Variants in ADAMTSL3 observed in about 807,000 individuals in gnomAD.
ADAMTSL3 encodes the protein ADAMTS-like protein 3.
In ADAMTSL3, 128 loss-of-function variants were observed where a neutral mutation model predicts 201.7. The observed-to-expected ratio is 0.63, with a 90% CI of 0.55 to 0.73. ADAMTSL3 has a LOEUF of 0.73. Ranked by LOEUF, ADAMTSL3 falls within the 30% of genes least tolerant of loss-of-function variation. ADAMTSL3 has a pLI of 0.00. For synonymous variants in ADAMTSL3, 738 were observed against 748.4 expected (o/e 0.99, Z 0.23); for missense variants, 1,990 against 2,119.6 (o/e 0.94, Z 1.20).
chr15:83,766,464 C>T (rs1469508635), intron 3 of ADAMTSL3, among the ~76,000 whole-genome samples: 1 of 152,150 alleles, frequency 6.6e-6, no homozygotes, highest in Non-Finnish European at 1.5e-5. Flanking sequence ...TGTAGCTCTA[C>T]TTGCAATATA....
intron 5 of ADAMTSL3, among the ~76,000 whole-genome samples, chr15:83,810,277 G>A (rs944989050): frequency 3.9e-5 from 6 of 152,184 alleles, no homozygotes; most frequent in Non-Finnish European, 5.9e-5. Flanking sequence ...ACCTGCTTGT[G>A]AATGCTGAAT....
intron 3 of ADAMTSL3, among the ~76,000 whole-genome samples, chr15:83,759,074 G>A (rs1025722729): frequency 3.9e-5 from 6 of 152,036 alleles, no homozygotes; most frequent in African/African-American, 7.3e-5. Context: ...TTCACTGCTC[G>A]AACATCTCAG....
chr15:83,785,961 A>G (rs1185370776), intron 4 of ADAMTSL3, among the ~76,000 whole-genome samples: 1 of 151,916 alleles, frequency 6.6e-6, no homozygotes, highest in Non-Finnish European at 1.5e-5. Flanking sequence ...CTTCTGCCTC[A>G]GCCTCCCACG....
intron 6 of ADAMTSL3, among the ~76,000 whole-genome samples, chr15:83,824,434 C>T (rs1182434492): frequency 1.3e-5 from 2 of 152,164 alleles, no homozygotes; most frequent in African/African-American, 2.4e-5. Flanking sequence ...CAACATTCCC[C>T]ACTAAAGTGA....
intron 4 of ADAMTSL3, among the ~76,000 whole-genome samples, chr15:83,790,161 G>A (rs1175995054): frequency 6.7e-6 from 1 of 150,148 alleles, no homozygotes; most frequent in Non-Finnish European, 1.5e-5. Context: ...AGCATTTAAA[G>A]GAGAATTTAC....
intron 3 of ADAMTSL3, among the ~76,000 whole-genome samples, chr15:83,751,966 A>G (rs2062643457): frequency 6.6e-6 from 1 of 152,240 alleles, no homozygotes; most frequent in African/African-American, 2.4e-5. Context: ...CTGCATCATA[A>G]CAACAACCTA....
chr15:83,884,257 A>G (rs2065341650), intron 9 of ADAMTSL3, among the ~76,000 whole-genome samples: 1 of 150,980 alleles, frequency 6.6e-6, no homozygotes, highest in Non-Finnish European at 1.5e-5. Context: ...GTATAACATG[A>G]TATTTTGAAA....
intron 3 of ADAMTSL3, among the ~76,000 whole-genome samples, chr15:83,726,476 C>A (rs1283202170): frequency 6.6e-6 from 1 of 152,096 alleles, no homozygotes; most frequent in Non-Finnish European, 1.5e-5. Context: ...TGTTGCTGAT[C>A]TTAGAGGAAA....
intron 19 of ADAMTSL3, among the ~76,000 whole-genome samples, chr15:83,944,777 T>A (rs1374642069): frequency 1.3e-5 from 2 of 152,190 alleles, no homozygotes; most frequent in African/African-American, 4.8e-5. Context: ...CTGGGTGGCC[T>A]TGTTAAATAC....
intron 7 of ADAMTSL3, among the ~76,000 whole-genome samples, chr15:83,853,646 G>A (rs1018059753): frequency 6.6e-6 from 1 of 151,656 alleles, no homozygotes; most frequent in African/African-American, 2.4e-5. Flanking sequence ...GCATTTGTTG[G>A]GTAAACTTCA....
intron 3 of ADAMTSL3, among the ~76,000 whole-genome samples, chr15:83,710,717 A>G (rs2141529406): frequency 6.6e-6 from 1 of 152,266 alleles, no homozygotes. Context: ...TGCCTCTCTA[A>G]ATTGTATTTT....
rs10572931 is a variant in ADAMTSL3 at position 83,771,167 on chromosome 15, CTTT to C, written c.190-2341_190-2339del. On this transcript the variant is annotated intron_variant, in intron 3 of 29. Transcript: ENST00000286744. ...CTTATACTTGATCTGTTTCTGGACT[CTTT>C]TTTTTTTTTTTTTTATTTTAATAGG... is the stretch of plus-strand genomic sequence containing the variant. Among the ~76,000 whole-genome samples, 367 of 134,320 alleles carry C rather than the reference CTTT, an allele frequency of 2.7e-3. 1 individual carries two copies. Among genetic ancestry groups the C allele is most frequent in the Middle Eastern group, 0.016 (4 of 254 alleles). 88.1% of individuals were successfully genotyped at this position (134,320 alleles called of 152,430 possible).
chr15:83,942,173 G>C (rs1403746252), intron 17 of ADAMTSL3, among the ~76,000 whole-genome samples: 2 of 152,174 alleles, frequency 1.3e-5, no homozygotes, highest in Non-Finnish European at 2.9e-5. Flanking sequence ...AATTTTCTTA[G>C]GGATATTCCA....
intron 2 of ADAMTSL3, among the ~76,000 whole-genome samples, chr15:83,664,842 A>G (rs1007661898): frequency 6.6e-6 from 1 of 152,174 alleles, no homozygotes; most frequent in African/African-American, 2.4e-5. Context: ...TTAGCTGGTT[A>G]TGATAGCTGT....
chr15:83,730,468 T>G (rs981301125), intron 3 of ADAMTSL3, among the ~76,000 whole-genome samples: 2 of 152,052 alleles, frequency 1.3e-5, no homozygotes, highest in South Asian at 2.1e-4. Context: ...CTCGGAGTGG[T>G]GCTCAGGTTG....
chr15:83,977,881 G>A (rs1247740641), intron 20 of ADAMTSL3, among the ~76,000 whole-genome samples: 3 of 152,224 alleles, frequency 2.0e-5, no homozygotes, highest in African/African-American at 7.2e-5. Context: ...TCCACCCACA[G>A]CATCCCTGGT....
At chr15:83,949,331 G>A (rs1467953277) in intron 19 of ADAMTSL3, among the ~76,000 whole-genome samples, 2 of 152,196 alleles carry the variant, frequency 1.3e-5, no homozygotes, top group Non-Finnish European at 2.9e-5. Context: ...TGTTGCAGAT[G>A]ATAGGATCTC....
Position 83,897,906 on chromosome 15 carries a change from A to T in ADAMTSL3, c.1516A>T (p.Ile506Phe). 6.2e-7 allele frequency: 1 copy of T among 1,613,924 alleles called. No individual in the cohort carries two copies. Among genetic ancestry groups the T allele is most frequent in the African/African-American group, 1.3e-5 (1 of 75,040 alleles). The change falls in exon 14 of 30, where the codon ATT (isoleucine) becomes TTT (phenylalanine). Residue 506 changes from isoleucine (I) to phenylalanine (F), a missense_variant. Physicochemically the swap from Ile to Phe is conservative, Grantham distance 21 (BLOSUM62 0). Transcript: ENST00000286744. The stretch of plus-strand genomic sequence containing the variant: ...GTTACGGTACCGGGTTGTTCTGTGT[A>T]TTAACCACCGCGGAGAGCATGTTGG... Reference protein sequence around the residue: ...RGLRYRVVLCINHRGEHVGGC... With the variant: ...RGLRYRVVLCFNHRGEHVGGC...
intron 9 of ADAMTSL3, 46 bp downstream of exon 9, chr15:83,871,005 C>T (rs151263598): frequency 6.3e-7 from 1 of 1,588,532 alleles, no homozygotes; most frequent in Non-Finnish European, 8.5e-7. Context: ...AATCCCAGAA[C>T]ATCTTGATTT....
Sources: gnomAD v4.1 joint callset for allele counts (sites outside exome capture counted in the v4.1 genomes callset) on GRCh38, gnomAD v4.1.1 for gene constraint, MANE v1.5 for transcripts, NCBI Gene and HGNC (gene_info 2026-07-23, HGNC 2026-07-21) for gene names.